The following DRC11L variants were observed in gnomAD, a reference collection of about 807,000 sequenced individuals.
The protein encoded by DRC11L is dynein regulatory complex subunit 11 like, also known as dynein regulatory complex subunit like-11.
chr7:151,195,163 G>C, the DRC11L span, among the ~76,000 whole-genome samples: 1 of 152,148 alleles, frequency 6.6e-6, no homozygotes, highest in Non-Finnish European at 1.5e-5. Context: ...TGGAAGTGGA[G>C]AGCAATGACC....
the DRC11L span, chr7:151,192,661 G>A: frequency 1.3e-5 from 5 of 398,910 alleles, no homozygotes; most frequent in Middle Eastern, 6.3e-4. Context: ...GGTTTGGAGC[G>A]ACTGGAACAA....
At chr7:151,203,653 A>G in the DRC11L span, 8 of 393,778 alleles carry the variant, frequency 2.0e-5, no homozygotes, top group African/African-American at 8.2e-5. Context: ...CTTAAAGGGT[A>G]ATGGGGCAGA....
the DRC11L span, among the ~76,000 whole-genome samples, chr7:151,198,239 T>G: frequency 8.4e-6 from 1 of 119,294 alleles, no homozygotes; most frequent in Admixed American, 9.3e-5. Context: ...GATAGACAGA[T>G]GGAGAGGTGG....
At chr7:151,199,350 G>A in the DRC11L span, among the ~76,000 whole-genome samples, 14 of 151,400 alleles carry the variant, frequency 9.2e-5, no homozygotes, top group Non-Finnish European at 1.9e-4. This position sits in a 1 kb window ranked among gnomAD's most constrained non-coding sequence, Gnocchi z 5.2. Flanking sequence ...AGCCGCTCTC[G>A]CAGCCACTTT....
chr7:151,191,968 G>A, the DRC11L span: 2 of 398,462 alleles, frequency 5.0e-6, no homozygotes, highest in Non-Finnish European at 8.8e-6. Context: ...GGATCTGGAA[G>A]GAGTTTTGTG....
At chr7:151,198,787 A>T in the DRC11L span, 5 of 399,016 alleles carry the variant, frequency 1.3e-5, no homozygotes, top group East Asian at 1.8e-4. Context: ...GGGTCAGCTG[A>T]GGACACTGAC....
chr7:151,203,120 G>T, the DRC11L span: 1 of 399,156 alleles, frequency 2.5e-6, no homozygotes, highest in Non-Finnish European at 4.4e-6. Context: ...GGGCAAAAGA[G>T]CAGGAGCACA....
chr7:151,191,826 G>T, the DRC11L span: 2 of 399,280 alleles, frequency 5.0e-6, no homozygotes, highest in Non-Finnish European at 8.8e-6. Context: ...CTGATGTCCA[G>T]GTGCTGGGTC....
the DRC11L span, chr7:151,198,795 G>A: frequency 2.5e-6 from 1 of 399,112 alleles, no homozygotes; most frequent in Non-Finnish European, 4.4e-6. Flanking sequence ...TGAGGACACT[G>A]ACTGGCACTC....
At chr7:151,191,374 G>C in the DRC11L span, among the ~76,000 whole-genome samples, 1 of 152,154 alleles carries the variant, frequency 6.6e-6, no homozygotes, top group African/African-American at 2.4e-5. Flanking sequence ...GTGGGTGGCA[G>C]CTGCTACCAG....
At chr7:151,193,216 C>T in the DRC11L span, 5 of 398,582 alleles carry the variant, frequency 1.3e-5, no homozygotes, top group African/African-American at 8.2e-5. Flanking sequence ...TGATGGGTGA[C>T]GTGACCTCAA....
chr7:151,196,579 C>T, the DRC11L span: 12 of 399,558 alleles, frequency 3.0e-5, no homozygotes, highest in African/African-American at 1.2e-4. Context: ...TGGATGGATG[C>T]GTGAAGGTCA....
the DRC11L span, among the ~76,000 whole-genome samples, chr7:151,191,382 C>A: frequency 2.6e-5 from 4 of 152,154 alleles, no homozygotes; most frequent in Admixed American, 2.0e-4. Context: ...CAGCTGCTAC[C>A]AGAACCCACA....
the DRC11L span, among the ~76,000 whole-genome samples, chr7:151,203,912 A>T: frequency 6.6e-6 from 1 of 152,118 alleles, no homozygotes; most frequent in East Asian, 1.9e-4. Flanking sequence ...AAACTTTGAG[A>T]TAGTCTTGGA....
chr7:151,198,519 CA>C, the DRC11L span, among the ~76,000 whole-genome samples: 1 of 152,112 alleles, frequency 6.6e-6, no homozygotes, highest in Admixed American at 6.5e-5. Flanking sequence ...ACAGATCACT[CA>C]GGGGGCATCC....
chr7:151,204,556 C>A, the DRC11L span: 45 of 398,860 alleles, frequency 1.1e-4, no homozygotes, highest in Admixed American at 2.6e-4. Context: ...CAGTGGTTCT[C>A]ACACAGGTCG....
At chr7:151,197,419 T>C in the DRC11L span, 1 of 398,732 alleles carries the variant, frequency 2.5e-6, no homozygotes, top group Non-Finnish European at 4.4e-6. Context: ...TGGCGATCTC[T>C]CAGGCTCAGG....
At chr7:151,196,315 G>A in the DRC11L span, 1 of 397,112 alleles carries the variant, frequency 2.5e-6, no homozygotes, top group Non-Finnish European at 4.4e-6. Flanking sequence ...GCTGGGGACT[G>A]GGGTTGGGTG....
chr7:151,204,911 A>G, the DRC11L span: 1 of 398,872 alleles, frequency 2.5e-6, no homozygotes, highest in Middle Eastern at 6.3e-4. Flanking sequence ...TGGCCTTTTG[A>G]GGAGTGTGGG....
Sources: allele counts gnomAD v4.1 joint callset (sites outside exome capture counted in the v4.1 genomes callset), GRCh38; gene constraint gnomAD v4.1.1; non-coding constraint Gnocchi (gnomAD v3.1); transcripts MANE v1.5; gene names NCBI Gene and HGNC (gene_info 2026-07-23, HGNC 2026-07-21).